Variants in TENM3 observed in about 807,000 individuals in gnomAD.
The protein encoded by TENM3 is teneurin transmembrane protein 3.
A neutral mutation model predicts 255.1 loss-of-function variants in TENM3; 63 were observed. The observed-to-expected ratio is 0.25, with a 90% confidence interval of 0.20 to 0.30. TENM3 has a LOEUF of 0.30. Ranked by LOEUF, TENM3 falls within the 10% of genes least tolerant of loss-of-function variation. TENM3 has a pLI of 1.00. For missense variants in TENM3, 2,929 were observed against 3,461.1 expected (o/e 0.85, Z 3.86); for synonymous variants, 1,306 against 1,322.3 (o/e 0.99, Z 0.27).
At chr4:182,173,284 G>C (rs1400329869) in intron 1 of TENM3, among the ~76,000 whole-genome samples, 1 of 152,166 alleles carries the variant, frequency 6.6e-6, no homozygotes, top group Non-Finnish European at 1.5e-5. Context: ...CCACCTTCAT[G>C]CATCTAAGAT....
the TENM3 span, among the ~76,000 whole-genome samples, chr4:181,874,979 A>G: frequency 6.6e-6 from 1 of 152,162 alleles, no homozygotes; most frequent in Admixed American, 6.5e-5. Flanking sequence ...TATCGTGTCC[A>G]GTTTTATTGT....
chr4:182,568,838 A>G (rs1744058440), intron 3 of TENM3, among the ~76,000 whole-genome samples: 1 of 152,244 alleles, frequency 6.6e-6, no homozygotes, highest in African/African-American at 2.4e-5. Flanking sequence ...AAATGAATGC[A>G]CCTCAAAAAC....
intron 3 of TENM3, among the ~76,000 whole-genome samples, chr4:182,561,541 T>A (rs76495968): frequency 6.6e-6 from 1 of 152,048 alleles, no homozygotes; most frequent in Non-Finnish European, 1.5e-5. Context: ...TTTAGATTTC[T>A]GTAGTTTTGT....
At chr4:182,180,147 C>A (rs1039954479) in intron 1 of TENM3, among the ~76,000 whole-genome samples, 1 of 149,644 alleles carries the variant, frequency 6.7e-6, no homozygotes, top group Non-Finnish European at 1.5e-5. Flanking sequence ...TTTTTTAAAT[C>A]TGAATTTTGA....
the TENM3 span, among the ~76,000 whole-genome samples, chr4:181,744,544 T>C: frequency 1.3e-5 from 2 of 152,284 alleles, no homozygotes; most frequent in South Asian, 4.1e-4. Context: ...ATGTAGTATC[T>C]GATGGATATT....
chr4:181,951,069 CAAAT>C, the TENM3 span, among the ~76,000 whole-genome samples: 2,292 of 152,216 alleles, frequency 0.015, 48 homozygotes, highest in African/African-American at 0.051. Context: ...AACAAACAAA[CAAAT>C]AAAGAAGATA....
chr4:182,317,940 A>G (rs981922603), intron 1 of TENM3, among the ~76,000 whole-genome samples: 1 of 152,220 alleles, frequency 6.6e-6, no homozygotes, highest in African/African-American at 2.4e-5. Flanking sequence ...AAATACTAAC[A>G]TTAGTGAAAA....
the TENM3 span, among the ~76,000 whole-genome samples, chr4:182,081,603 A>G: frequency 1.2e-4 from 18 of 147,820 alleles, no homozygotes; most frequent in South Asian, 4.2e-4. Context: ...AAAAAAAAAA[A>G]AAGAAGAAGA....
At chr4:181,944,451 C>T in the TENM3 span, among the ~76,000 whole-genome samples, 3 of 151,936 alleles carry the variant, frequency 2.0e-5, no homozygotes, top group East Asian at 5.8e-4. Context: ...CCTTTTCACT[C>T]AGTCCCCTCC....
the TENM3 span, among the ~76,000 whole-genome samples, chr4:182,022,353 T>C: frequency 6.6e-6 from 1 of 151,892 alleles, no homozygotes; most frequent in South Asian, 2.1e-4. Flanking sequence ...TGGGTATACA[T>C]GGACACACAA....
intron 1 of TENM3, among the ~76,000 whole-genome samples, chr4:182,281,665 A>C (rs61260635): frequency 0.024 from 3,678 of 152,254 alleles, 345 homozygotes; most frequent in Admixed American, 0.17. Flanking sequence ...GTAGAACCCA[A>C]ACTACTTAAT....
chr4:182,688,673 T>C lies in TENM3; in HGVS notation c.2221+322T>C, dbSNP rs547568009. ...TATTACTTCTTGATGTTCCATATTGTCATTGCATTTCTTAATAGCAGATTT... is the reference window on the plus strand; with the variant it reads ...TATTACTTCTTGATGTTCCATATTGCCATTGCATTTCTTAATAGCAGATTT... On this transcript the variant is annotated intron_variant, in intron 12 of 27. Coordinates refer to ENST00000511685, the MANE Select transcript of TENM3 (RefSeq NM_001080477.4). Among the ~76,000 whole-genome samples, 3 of 152,352 alleles carry C rather than the reference T, an allele frequency of 2.0e-5. No homozygotes were observed. In the South Asian group the frequency reaches 6.2e-4, roughly 32 times the overall value.
At chr4:182,584,458 A>G (rs1475070147) in intron 3 of TENM3, among the ~76,000 whole-genome samples, 2 of 152,198 alleles carry the variant, frequency 1.3e-5, no homozygotes, top group East Asian at 1.9e-4. Context: ...TCAGTATTTA[A>G]AAGTATGAGT....
At chr4:182,388,902 AG>A (rs1478011114) in intron 3 of TENM3, among the ~76,000 whole-genome samples, 1 of 152,244 alleles carries the variant, frequency 6.6e-6, no homozygotes, top group Non-Finnish European at 1.5e-5. Flanking sequence ...GCACCAAGAC[AG>A]ATGGAGGTGA....
chr4:181,865,219 G>A, the TENM3 span, among the ~76,000 whole-genome samples: 3 of 152,166 alleles, frequency 2.0e-5, no homozygotes, highest in Admixed American at 2.0e-4. Flanking sequence ...CTTAGAGCAC[G>A]GGATTTAGAT....
rs1561261831 is a variant in TENM3 at position 182,266,249 on chromosome 4, C to T, written c.-76+22773C>T. ...TAAAACTGTTAAAGTAACAATTTTA[C>T]CTGCAAGGTATGTAAAGAAAGTAAA... On this transcript the variant is annotated intron_variant, in intron 1 of 27. Transcript: ENST00000511685. 2.0e-5 allele frequency among the ~76,000 whole-genome samples: 3 copies of T among 152,144 alleles called. 1 individual carries two copies. In the East Asian group the frequency reaches 5.8e-4, roughly 29 times the overall value.
chr4:181,618,419 G>A, the TENM3 span, among the ~76,000 whole-genome samples: 1 of 152,168 alleles, frequency 6.6e-6, no homozygotes, highest in Non-Finnish European at 1.5e-5. Context: ...GGCAGTCAAG[G>A]GTATTAGCTT....
At chr4:182,755,670 TCTA>T (rs1365713961) in intron 22 of TENM3, among the ~76,000 whole-genome samples, 2 of 151,960 alleles carry the variant, frequency 1.3e-5, no homozygotes, top group African/African-American at 4.8e-5. Context: ...AACCCCCGTC[TCTA>T]CTAAAAATAC....
the TENM3 span, among the ~76,000 whole-genome samples, chr4:181,744,028 T>C: frequency 6.6e-6 from 1 of 152,048 alleles, no homozygotes; most frequent in Non-Finnish European, 1.5e-5. Context: ...CATGTGTCCA[T>C]GTGTTCTTAT....
Sources: allele counts gnomAD v4.1 joint callset (sites outside exome capture counted in the v4.1 genomes callset), GRCh38; gene constraint gnomAD v4.1.1; transcripts MANE v1.5; gene names NCBI Gene and HGNC (gene_info 2026-07-23, HGNC 2026-07-21).